Variants in TMTC2 observed in about 807,000 individuals in gnomAD.
TMTC2 encodes the protein protein O-mannosyl-transferase TMTC2.
TMTC2 carries 43 observed loss-of-function variants against 82.4 expected under a neutral mutation model. The ratio of observed to expected loss-of-function variants is 0.52; its 90% CI spans 0.41 to 0.67. The LOEUF (loss-of-function observed/expected upper bound fraction) is 0.67, where lower values mean the gene tolerates loss of function less well. Ranked by LOEUF, TMTC2 falls within the 30% of genes least tolerant of loss-of-function variation. The pLI is 0.00. For missense variants in TMTC2, 919 were observed against 1,012.4 expected (o/e 0.91, Z 1.25); for synonymous variants, 408 against 381.9 (o/e 1.07, Z -0.80).
At chr12:82,797,086 G>A (rs1020688534) in intron 1 of TMTC2, among the ~76,000 whole-genome samples, 5 of 152,086 alleles carry the variant, frequency 3.3e-5, no homozygotes, top group Non-Finnish European at 7.4e-5. Context: ...GATGCAGACT[G>A]TATTGTTCAT....
intron 4 of TMTC2, among the ~76,000 whole-genome samples, chr12:82,932,546 C>T (rs1195610543): frequency 6.6e-6 from 1 of 152,104 alleles, no homozygotes; most frequent in Non-Finnish European, 1.5e-5. Flanking sequence ...AAGTCCTCTT[C>T]ATCTAAATAG....
Position 83,133,078 on chromosome 12 carries a change from C to T in TMTC2, c.*689C>T, listed in dbSNP as rs1885317212. 1 of 152,188 alleles carries T rather than the reference C, an allele frequency of 6.6e-6. No individual in the cohort carries two copies. Among genetic ancestry groups the T allele is most frequent in the Non-Finnish European group, 1.5e-5 (1 of 68,046 alleles). 9.4% of individuals were successfully genotyped at this position (152,188 alleles called of 1,614,324 possible). A position where few individuals can be genotyped will look rare whatever the true frequency, so the allele number is the denominator to read the frequency against. On this transcript the variant is annotated 3_prime_UTR_variant, in exon 12 of 12. Coordinates refer to ENST00000321196, the MANE Select transcript of TMTC2 (RefSeq NM_152588.3). ...AGAGTAGAGCTAACCATACTTCACA[C>T]TCGAGTTGTATGAGGGACTGGGGAG...
chr12:82,995,759 C>G (rs1879588966), intron 8 of TMTC2, among the ~76,000 whole-genome samples: 1 of 152,070 alleles, frequency 6.6e-6, no homozygotes, highest in African/African-American at 2.4e-5. Flanking sequence ...AGGTGGCTCC[C>G]TCCTGTTTTC....
intron 3 of TMTC2, among the ~76,000 whole-genome samples, chr12:82,897,364 T>C (rs1216501621): frequency 6.6e-6 from 1 of 152,172 alleles, no homozygotes; most frequent in Non-Finnish European, 1.5e-5. Flanking sequence ...GAAAGTAGTT[T>C]CCTTTAAAAT....
chr12:82,859,256 T>TG lies in TMTC2; in HGVS notation c.654+1680dup. Among the ~76,000 whole-genome samples the TG allele has an allele frequency of 2.6e-5, 4 of 152,082 alleles. No individual in the cohort carries two copies. The South Asian group carries it at 8.3e-4, about 32-fold the overall frequency. The stretch of plus-strand genomic sequence containing the variant: ...CTAATTTTTGTATTTTTAGTAGAGA[T>TG]GGGGTTTCACCATATTGGCCAGGAT... On this transcript the variant is annotated intron_variant, in intron 2 of 11. Coordinates refer to ENST00000321196, the MANE Select transcript of TMTC2 (RefSeq NM_152588.3).
At chr12:83,070,280 A>G (rs1236188669) in intron 11 of TMTC2, among the ~76,000 whole-genome samples, 2 of 152,082 alleles carry the variant, frequency 1.3e-5, no homozygotes, top group South Asian at 4.1e-4. Flanking sequence ...TTTTGGCAGT[A>G]TGGTCATTTT....
At chr12:82,796,537 GC>G (rs1175147124) in intron 1 of TMTC2, among the ~76,000 whole-genome samples, 1 of 152,078 alleles carries the variant, frequency 6.6e-6, no homozygotes, top group Non-Finnish European at 1.5e-5. Flanking sequence ...AATAACTTTA[GC>G]CTATTCCAGC....
At chr12:82,942,387 T>C (rs1019656254) in intron 4 of TMTC2, among the ~76,000 whole-genome samples, 6 of 152,182 alleles carry the variant, frequency 3.9e-5, no homozygotes, top group African/African-American at 1.4e-4. Context: ...ACTTGGGTTA[T>C]AAGTGGCTAT....
chr12:82,733,679 G>T (rs1286380830), intron 1 of TMTC2, among the ~76,000 whole-genome samples: 3 of 152,180 alleles, frequency 2.0e-5, no homozygotes, highest in Non-Finnish European at 4.4e-5. Flanking sequence ...AGGAAAAACT[G>T]GAAAACAGGA....
intron 1 of TMTC2, among the ~76,000 whole-genome samples, chr12:82,735,809 A>G (rs1197392062): frequency 6.6e-6 from 1 of 152,086 alleles, no homozygotes; most frequent in African/African-American, 2.4e-5. Flanking sequence ...TATTAAAAAT[A>G]CAAAAAGTAA....
chr12:83,121,488 G>GTAT (rs1565896068), intron 11 of TMTC2, among the ~76,000 whole-genome samples: 1 of 152,116 alleles, frequency 6.6e-6, no homozygotes, highest in Non-Finnish European at 1.5e-5. Flanking sequence ...TGTTTGCATG[G>GTAT]TATCCTATAA....
At chr12:82,706,691 T>G (rs771843242) in intron 1 of TMTC2, among the ~76,000 whole-genome samples, 6 of 152,072 alleles carry the variant, frequency 3.9e-5, no homozygotes, top group Non-Finnish European at 8.8e-5. Context: ...ATAGTAGAAA[T>G]GGAAAGGTGG....
chr12:82,876,037 T>C (rs1350687203), intron 2 of TMTC2, among the ~76,000 whole-genome samples: 13 of 97,196 alleles, frequency 1.3e-4, no homozygotes, highest in African/African-American at 4.1e-4. Flanking sequence ...GCGGTGGTGG[T>C]GGTGGTGGTG....
At chr12:83,061,914 T>G (rs992867583) in intron 11 of TMTC2, 83 bp downstream of exon 11, 4 of 1,024,574 alleles carry the variant, frequency 3.9e-6, no homozygotes, top group Admixed American at 5.7e-5. Context: ...ATGATACTGG[T>G]TTTTTGTTTT....
intron 7 of TMTC2, 89 bp downstream of exon 7, chr12:82,967,086 A>T (rs1157612877): frequency 1.0e-6 from 1 of 965,234 alleles, no homozygotes; most frequent in South Asian, 1.6e-5. Flanking sequence ...GAATTCTAAT[A>T]AATCATATTA....
Position 82,896,392 on chromosome 12 carries a change from A to G in TMTC2, c.1229A>G (p.Asn410Ser). ...ATCATACCCTTTGTTCCTGCCACGA[A>G]CCTGTTTTTCTATGTCGGCTTTGTA... ...LLIIPFVPAT[N>S]LFFYVGFVIA... The change falls in exon 3 of 12, where the codon AAC becomes AGC. Residue 410 changes from asparagine to serine, a missense_variant. By Grantham distance (46) the Asn-to-Ser change is conservative. Coordinates refer to ENST00000321196, the MANE Select transcript of TMTC2 (RefSeq NM_152588.3). The G allele has an allele frequency of 6.2e-7, 1 of 1,614,012 alleles. No homozygotes were observed. Among genetic ancestry groups the G allele is most frequent in the East Asian group, 2.2e-5 (1 of 44,848 alleles).
chr12:82,793,205 A>AT (rs1186642430), intron 1 of TMTC2, among the ~76,000 whole-genome samples: 1 of 152,072 alleles, frequency 6.6e-6, no homozygotes, highest in Non-Finnish European at 1.5e-5. Context: ...ATAGAACATT[A>AT]TTTCCTTTTT....
At chr12:82,983,676 G>T (rs1035192939) in intron 7 of TMTC2, among the ~76,000 whole-genome samples, 5 of 151,864 alleles carry the variant, frequency 3.3e-5, no homozygotes, top group African/African-American at 1.2e-4. Context: ...AAATACAATG[G>T]TTGTACAACT....
At chr12:82,709,855 G>GC (rs1472074954) in intron 1 of TMTC2, among the ~76,000 whole-genome samples, 1 of 152,176 alleles carries the variant, frequency 6.6e-6, no homozygotes, top group African/African-American at 2.4e-5. Flanking sequence ...TTCTCTACTT[G>GC]CCACAAGCCA....
Sources: allele counts gnomAD v4.1 joint callset (sites outside exome capture counted in the v4.1 genomes callset), GRCh38; gene constraint gnomAD v4.1.1; transcripts MANE v1.5; gene names NCBI Gene and HGNC (gene_info 2026-07-23, HGNC 2026-07-21).